MTUS2: variants seen among roughly 807,000 people sequenced by gnomAD.
MTUS2 encodes microtubule associated scaffold protein 2, also known as microtubule-associated tumor suppressor candidate 2.
In MTUS2, 40 loss-of-function variants were observed where a neutral mutation model predicts 114.1. The ratio of observed to expected loss-of-function variants is 0.35; its 90% CI spans 0.27 to 0.46. MTUS2 has a LOEUF of 0.46. MTUS2 is among the 20% of genes least tolerant of loss of function. The pLI, the probability that MTUS2 is intolerant of heterozygous loss-of-function variation, is 1.00. For synonymous variants in MTUS2, 688 were observed against 672.0 expected (o/e 1.02, Z -0.37); for missense variants, 1,679 against 1,705.4 (o/e 0.98, Z 0.27).
chr13:29,047,512 CT>C (rs11367692), intron 4 of MTUS2, among the ~76,000 whole-genome samples: 45,458 of 135,534 alleles, frequency 0.34, 7,235 homozygotes, highest in East Asian at 0.58. Flanking sequence ...AAAATTTACT[CT>C]TTTTTTTTTT....
chr13:29,228,153 T>C (rs1035288002), intron 5 of MTUS2, among the ~76,000 whole-genome samples: 30 of 152,180 alleles, frequency 2.0e-4, no homozygotes, highest in Admixed American at 1.0e-3. Flanking sequence ...TGGCAAAAAT[T>C]GGAATGAAAT....
intron 4 of MTUS2, among the ~76,000 whole-genome samples, chr13:29,049,526 C>T (rs910378325): frequency 4.6e-5 from 7 of 152,210 alleles, no homozygotes; most frequent in African/African-American, 1.7e-4. Context: ...GAGGACTGTT[C>T]TCCTCTCTCG....
chr13:29,482,420 A>T (rs1313305916), intron 10 of MTUS2: 1 of 152,244 alleles, frequency 6.6e-6, no homozygotes, highest in Non-Finnish European at 1.5e-5. Flanking sequence ...TTTCCACACG[A>T]AAATGACTTA....
At chr13:29,200,784 T>A (rs373714335) in intron 5 of MTUS2, among the ~76,000 whole-genome samples, 2 of 152,138 alleles carry the variant, frequency 1.3e-5, no homozygotes, top group East Asian at 3.8e-4. Flanking sequence ...CCTCCCAAAG[T>A]GCAGAGATTA....
At chr13:29,180,665 A>G (rs919655259) in intron 5 of MTUS2, among the ~76,000 whole-genome samples, 4 of 152,176 alleles carry the variant, frequency 2.6e-5, no homozygotes, top group African/African-American at 9.7e-5. Context: ...TCCAGGTCAC[A>G]GGTCACTGGC....
intron 5 of MTUS2, among the ~76,000 whole-genome samples, chr13:29,260,334 C>T (rs1216338073): frequency 6.6e-6 from 1 of 152,208 alleles, no homozygotes; most frequent in African/African-American, 2.4e-5. Flanking sequence ...CTGTCAGAAT[C>T]AGGCAAGTTC....
At chr13:29,433,229 C>G (rs910545821) in intron 8 of MTUS2, among the ~76,000 whole-genome samples, 1 of 152,208 alleles carries the variant, frequency 6.6e-6, no homozygotes, top group Non-Finnish European at 1.5e-5. Context: ...AGTGACTCTT[C>G]CCCACATGCA....
intron 6 of MTUS2, among the ~76,000 whole-genome samples, chr13:29,314,463 G>T (rs770567452): frequency 6.6e-6 from 1 of 152,136 alleles, no homozygotes; most frequent in African/African-American, 2.4e-5. Context: ...GAATTTTGAC[G>T]TAACCAAAAA....
chr13:28,952,725 C>T (rs1403577826), intron 2 of MTUS2, among the ~76,000 whole-genome samples: 1 of 152,178 alleles, frequency 6.6e-6, no homozygotes, highest in Admixed American at 6.5e-5. Context: ...TTAGTTTTTT[C>T]ATTAAACAAA....
At chr13:29,446,194 C>A (rs1217650788) in intron 9 of MTUS2, among the ~76,000 whole-genome samples, 1 of 152,078 alleles carries the variant, frequency 6.6e-6, no homozygotes, top group African/African-American at 2.4e-5. Flanking sequence ...GGAGAAGGAC[C>A]AAATATATTT....
chr13:29,162,552 A>G (rs1893144193), intron 5 of MTUS2, among the ~76,000 whole-genome samples: 1 of 152,240 alleles, frequency 6.6e-6, no homozygotes, highest in Non-Finnish European at 1.5e-5. Context: ...TTCTTTGACC[A>G]TGTTTTTGAA....
In MTUS2 at chr13:28,865,255, A is replaced by C. The variant is rs565317686; in HGVS notation, c.-243+25405A>C. Among the ~76,000 whole-genome samples, 7 of 152,116 alleles carry C rather than the reference A, an allele frequency of 4.6e-5. No individual in the cohort carries two copies. In the East Asian group the frequency reaches 1.4e-3, roughly 29 times the overall value. ...TCAGGATTCTGTGTCTCTAATAAGCACTGTTAAAGATTGGGCTGCAGGTGG... is the reference window on the plus strand; with the variant it reads ...TCAGGATTCTGTGTCTCTAATAAGCCCTGTTAAAGATTGGGCTGCAGGTGG... On this transcript the variant is annotated intron_variant, in intron 2 of 15. Coordinates refer to ENST00000612955, the MANE Select transcript of MTUS2 (RefSeq NM_001033602.4).
chr13:29,441,521 C>G (rs1242442130), intron 9 of MTUS2, among the ~76,000 whole-genome samples: 1 of 149,672 alleles, frequency 6.7e-6, no homozygotes, highest in Non-Finnish European at 1.5e-5. Context: ...TGATTGAAGC[C>G]TCTGTGTCCC....
At chr13:28,889,689 A>G (rs928366057) in intron 2 of MTUS2, among the ~76,000 whole-genome samples, 1 of 152,136 alleles carries the variant, frequency 6.6e-6, no homozygotes, top group African/African-American at 2.4e-5. Flanking sequence ...GGAAACATGG[A>G]CAAAACACTA....
At chr13:29,106,522 C>A (rs1413803538) in intron 5 of MTUS2, among the ~76,000 whole-genome samples, 1 of 152,134 alleles carries the variant, frequency 6.6e-6, no homozygotes, top group African/African-American at 2.4e-5. Context: ...CCACACCTAG[C>A]TAGTTTTTGT....
chr13:29,026,688 C>T lies in MTUS2; in HGVS notation c.1990C>T (p.Pro664Ser). The T allele has an allele frequency of 6.2e-7, 1 of 1,614,038 alleles. No homozygotes were observed. Among genetic ancestry groups the T allele is most frequent in the Non-Finnish European group, 8.5e-7 (1 of 1,179,898 alleles). Residue 664 changes from proline (P) to serine (S), a missense_variant, in exon 3 of 16, where the codon CCA becomes TCA. Around this residue, in one of 3 missense-constraint regions of MTUS2, gnomAD observed 822 missense variants for 899.7 expected, o/e 0.91. Coordinates refer to ENST00000612955, the MANE Select transcript of MTUS2 (RefSeq NM_001033602.4). ...ALGQVDASLV[P>S]VGLPYAPPTC... ...GGGCCAGGTGGACGCCTCGCTGGTTCCAGTGGGGCTTCCATATGCCCCGCC... is the reference window on the plus strand; with the variant it reads ...GGGCCAGGTGGACGCCTCGCTGGTTTCAGTGGGGCTTCCATATGCCCCGCC...
chr13:28,872,807 T>A (rs1877701046), intron 2 of MTUS2, among the ~76,000 whole-genome samples: 1 of 152,116 alleles, frequency 6.6e-6, no homozygotes, highest in Non-Finnish European at 1.5e-5. Flanking sequence ...GACATGAGGT[T>A]TGAAGGGGAC....
intron 6 of MTUS2, among the ~76,000 whole-genome samples, chr13:29,296,213 G>GT (rs1051327789): frequency 3.3e-5 from 5 of 151,700 alleles, no homozygotes; most frequent in Non-Finnish European, 7.4e-5. Context: ...TTGTTTGTTT[G>GT]TTTGTTTGTT....
chr13:28,948,103 C>T (rs186269168), intron 2 of MTUS2, among the ~76,000 whole-genome samples: 1 of 152,256 alleles, frequency 6.6e-6, no homozygotes, highest in East Asian at 1.9e-4. Context: ...AATTACTGAA[C>T]ACGATGTAGC....
Sources: gnomAD v4.1 joint callset for allele counts (sites outside exome capture counted in the v4.1 genomes callset) on GRCh38, gnomAD v4.1.1 for gene constraint, gnomAD v4.1.1 regional missense constraint, MANE v1.5 for transcripts, NCBI Gene and HGNC (gene_info 2026-07-23, HGNC 2026-07-21) for gene names.